Variants in OR3A3 observed in about 807,000 individuals in gnomAD.
OR3A3 encodes olfactory receptor family 3 subfamily A member 3, also known as olfactory receptor 3A3.
For missense variants in OR3A3, 275 were observed against 391.4 expected, an observed-to-expected ratio of 0.70 and a Z score of 2.51; for synonymous variants, 103 against 163.9, an observed-to-expected ratio of 0.63 and a Z score of 2.84.
At chr17:3,414,960 T>G (rs2072382110) in intron 2 of OR3A3, among the ~76,000 whole-genome samples, 1 of 152,142 alleles carries the variant, frequency 6.6e-6, no homozygotes. Flanking sequence ...TGAAAAACAC[T>G]AAAACCCATT....
At chr17:3,414,935 A>T (rs2072381860) in intron 2 of OR3A3, among the ~76,000 whole-genome samples, 1 of 152,190 alleles carries the variant, frequency 6.6e-6, no homozygotes, top group African/African-American at 2.4e-5. Flanking sequence ...ATATGTTAAC[A>T]TTTAAAATCT....
At chr17:3,412,483 G>A (rs1181703276) in intron 2 of OR3A3, among the ~76,000 whole-genome samples, 1 of 147,090 alleles carries the variant, frequency 6.8e-6, no homozygotes, top group African/African-American at 2.5e-5. Flanking sequence ...TCGTCATGTT[G>A]GGCGCGTGAG....
At chr17:3,419,943 A>G (rs959533751) in intron 2 of OR3A3, among the ~76,000 whole-genome samples, 6 of 151,516 alleles carry the variant, frequency 4.0e-5, no homozygotes, top group Middle Eastern at 3.4e-3. Flanking sequence ...TTTTTTTTGT[A>G]TTTTTAGTAG....
rs1179928814 is a variant in OR3A3 at position 3,419,855 on chromosome 17, T to A, written c.-6-725T>A. ...TTCACACCATTCTCCCGCCTCAGCCTCCCAGGTTCACGCCATTCTCCTGCC... is the reference window on the plus strand; with the variant it reads ...TTCACACCATTCTCCCGCCTCAGCCACCCAGGTTCACGCCATTCTCCTGCC... On this transcript the variant is annotated intron_variant, in intron 2 of 2. Transcript: ENST00000641141. Among the ~76,000 whole-genome samples, 18 of 148,096 alleles carry A rather than the reference T, an allele frequency of 1.2e-4. 1 individual carries two copies. The highest frequency in any genetic ancestry group is 5.9e-5 in the Non-Finnish European group (4 of 67,264).
intron 2 of OR3A3, among the ~76,000 whole-genome samples, chr17:3,417,749 T>C (rs748671359): frequency 4.6e-5 from 7 of 152,214 alleles, no homozygotes; most frequent in African/African-American, 1.4e-4. Context: ...TGAATACTTC[T>C]GTAGAGAAAT....
At chr17:3,418,141 T>G (rs1228162920) in intron 2 of OR3A3, among the ~76,000 whole-genome samples, 2 of 152,212 alleles carry the variant, frequency 1.3e-5, no homozygotes, top group African/African-American at 4.8e-5. Context: ...TTTCAGTTAT[T>G]CAGTAGCTCT....
Position 3,414,949 on chromosome 17 carries a change from A to G in OR3A3, c.-7+2778A>G, listed in dbSNP as rs577861009. ...AATATGTTAACATTTAAAATCTCCAATGAAAAACACTAAAACCCATTATAT... is the reference window on the plus strand; with the variant it reads ...AATATGTTAACATTTAAAATCTCCAGTGAAAAACACTAAAACCCATTATAT... On this transcript the variant is annotated intron_variant, in intron 2 of 2. Coordinates refer to ENST00000641141, the Ensembl canonical transcript of OR3A3. Among the ~76,000 whole-genome samples, 16 of 152,292 alleles carry G rather than the reference A, an allele frequency of 1.1e-4. No homozygotes were observed. The East Asian group carries it at 1.7e-3, about 17-fold the overall frequency.
At chr17:3,414,189 A>T (rs1447681872) in intron 2 of OR3A3, among the ~76,000 whole-genome samples, 2 of 152,146 alleles carry the variant, frequency 1.3e-5, no homozygotes, top group African/African-American at 4.8e-5. Flanking sequence ...CTCCTGCCTC[A>T]GCCACCCGAG....
intron 2 of OR3A3, among the ~76,000 whole-genome samples, chr17:3,416,422 C>A (rs1400275165): frequency 6.7e-6 from 1 of 149,262 alleles, no homozygotes. Flanking sequence ...AAATTTTTTT[C>A]TTTTCTTTTG....
intron 2 of OR3A3, among the ~76,000 whole-genome samples, chr17:3,416,575 T>C (rs1341805058): frequency 6.6e-6 from 1 of 152,150 alleles, no homozygotes; most frequent in Non-Finnish European, 1.5e-5. Flanking sequence ...AGCTAGCTCT[T>C]TCTCTACTTT....
intron 2 of OR3A3, among the ~76,000 whole-genome samples, chr17:3,419,988 C>T (rs891240933): frequency 6.6e-6 from 1 of 152,124 alleles, no homozygotes; most frequent in Non-Finnish European, 1.5e-5. Flanking sequence ...AGGATGGTCT[C>T]AATCTCCTGA....
At chr17:3,418,910 T>C (rs2072408500) in intron 2 of OR3A3, among the ~76,000 whole-genome samples, 1 of 152,158 alleles carries the variant, frequency 6.6e-6, no homozygotes, top group Non-Finnish European at 1.5e-5. Context: ...GCCTTCTTCA[T>C]TTGAAGACAT....
At chr17:3,412,744 G>A (rs928088302) in intron 2 of OR3A3, among the ~76,000 whole-genome samples, 1 of 151,998 alleles carries the variant, frequency 6.6e-6, no homozygotes, top group Non-Finnish European at 1.5e-5. Context: ...TCTGTAAGGT[G>A]TGGCCCCTCC....
intron 2 of OR3A3, among the ~76,000 whole-genome samples, chr17:3,417,400 T>G (rs977086385): frequency 2.2e-4 from 33 of 152,186 alleles, no homozygotes; most frequent in African/African-American, 7.7e-4. Flanking sequence ...TCTTCTCCTC[T>G]TAACTTTATT....
At chr17:3,414,185 C>T (rs984549623) in intron 2 of OR3A3, among the ~76,000 whole-genome samples, 15 of 152,164 alleles carry the variant, frequency 9.9e-5, no homozygotes, top group African/African-American at 3.6e-4. Flanking sequence ...GATTCTCCTG[C>T]CTCAGCCACC....
chr17:3,414,310 A>T (rs2072378639), intron 2 of OR3A3, among the ~76,000 whole-genome samples: 2 of 152,080 alleles, frequency 1.3e-5, no homozygotes, highest in South Asian at 2.1e-4. Context: ...TGACCTCATG[A>T]TCCGCCCACC....
intron 2 of OR3A3, among the ~76,000 whole-genome samples, chr17:3,413,822 A>AAAAAAAAC (rs1471138344): frequency 9.2e-6 from 1 of 108,446 alleles, no homozygotes; most frequent in Non-Finnish European, 2.2e-5. Flanking sequence ...CTCCATCTCA[A>AAAAAAAAC]AAAAAAACAA....
intron 2 of OR3A3, among the ~76,000 whole-genome samples, chr17:3,414,343 T>C (rs1294442739): frequency 6.6e-6 from 1 of 152,200 alleles, no homozygotes; most frequent in Non-Finnish European, 1.5e-5. Context: ...AGTGCTGGGA[T>C]GACAGGCGTG....
At chr17:3,421,272 G>C (rs772905278) in exon 3 of OR3A3, 2 of 1,614,180 alleles carry the variant, frequency 1.2e-6, no homozygotes, top group South Asian at 2.2e-5. Flanking sequence ...CTGCTGTGCT[G>C]CAAATCCGCT....
Sources: gnomAD v4.1 joint callset for allele counts (sites outside exome capture counted in the v4.1 genomes callset) on GRCh38, gnomAD v4.1.1 for gene constraint, MANE v1.5 for transcripts, NCBI Gene and HGNC (gene_info 2026-07-23, HGNC 2026-07-21) for gene names.